The following TIMP2 variants were observed in gnomAD, a reference collection of about 807,000 sequenced individuals.
TIMP2 encodes the protein metalloproteinase inhibitor 2.
Under a neutral mutation model 24.3 loss-of-function variants are expected in TIMP2, and 5 were observed. That is an observed-to-expected ratio of 0.21 (90% CI 0.11 to 0.43). The LOEUF (loss-of-function observed/expected upper bound fraction) is 0.43. Among genes scored for constraint, TIMP2 ranks in the 20% least tolerant of loss-of-function variants. TIMP2 has a pLI of 1.00. For synonymous variants in TIMP2, 130 were observed against 123.2 expected, an observed-to-expected ratio of 1.06 and a Z score of -0.37; for missense variants, 221 against 297.5, an observed-to-expected ratio of 0.74 and a Z score of 1.89.
chr17:78,913,833 A>G (rs1263122858), intron 1 of TIMP2, among the ~76,000 whole-genome samples: 1 of 148,792 alleles, frequency 6.7e-6, no homozygotes, highest in East Asian at 2.0e-4. Context: ...CGGAGGTTGC[A>G]GCGAACCAAG....
At chr17:78,874,040 GCGAGA>G (rs2069708254) in intron 1 of TIMP2, 121 bp from the exon 2 acceptor site, 1 of 796,854 alleles carries the variant, frequency 1.3e-6, no homozygotes, top group Non-Finnish European at 2.0e-6. Flanking sequence ...GCAGCAAGGT[GCGAGA>G]CGGGCAAGGG....
In TIMP2 at chr17:78,891,342, C is replaced by T; in HGVS notation, c.131-17423G>A. 1.3e-6 allele frequency: 2 copies of T among 1,550,430 alleles called. No individual in the cohort carries two copies. The highest frequency in any genetic ancestry group is 1.7e-6 in the Non-Finnish European group (2 of 1,146,922). ...GCCATTTTCTTCCCTCTTGGGGTCC[C>T]AGCGCCACACTCTTGCATCTCTGAG... On this transcript the variant is annotated intron_variant, in intron 1 of 4. Transcript: ENST00000262768. This position sits in a 1 kb window ranked among gnomAD's most constrained non-coding sequence, Gnocchi z 4.5.
chr17:78,870,795 C>T, intron 3 of TIMP2, 103 bp downstream of exon 3: 1 of 933,874 alleles, frequency 1.1e-6, no homozygotes, highest in Non-Finnish European at 1.6e-6. Flanking sequence ...CTCAGCTACT[C>T]CGCCTCCCCA....
At chr17:78,871,139 T>C (rs2069679824) in intron 2 of TIMP2, 133 bp from the exon 3 acceptor site, 2 of 642,084 alleles carry the variant, frequency 3.1e-6, no homozygotes, top group African/African-American at 3.7e-5. Flanking sequence ...GACCAGGAAG[T>C]GCAAATACAT....
chr17:78,895,108 C>T lies in TIMP2; in HGVS notation c.131-21189G>A, dbSNP rs61157815. Among the ~76,000 whole-genome samples the T allele has an allele frequency of 2.1e-3, 319 of 152,186 alleles. 6 individuals are homozygous for T. In the East Asian group the frequency reaches 0.052, roughly 25 times the overall value. On this transcript the variant is annotated intron_variant, in intron 1 of 4. Transcript: ENST00000262768. Reference sequence around the variant, plus strand: ...GCAGCCTAACCAACATGGTGAAACCCCGTCTCTACTAAAAATACAAAAATT... The same window carrying T: ...GCAGCCTAACCAACATGGTGAAACCTCGTCTCTACTAAAAATACAAAAATT...
chr17:78,857,788 G>A (rs2069536716), intron 3 of TIMP2, 142 bp from the exon 4 acceptor site: 2 of 1,135,622 alleles, frequency 1.8e-6, no homozygotes, highest in East Asian at 5.2e-5. Flanking sequence ...CACAGTGGGT[G>A]GCCAGGCACG....
rs754810804 is a variant in TIMP2, at chr17:78,873,882, G to A, written c.168C>T (p.Asp56=). 1.1e-5 allele frequency: 18 copies of A among 1,613,364 alleles called. No individual in the cohort carries two copies. Among genetic ancestry groups the A allele is most frequent in the Admixed American group, 3.3e-5 (2 of 59,960 alleles). The change falls in exon 2 of 5, where the codon GAC becomes GAT. Residue 56 remains aspartate, a synonymous_variant. Coordinates refer to ENST00000262768, the MANE Select transcript of TIMP2 (RefSeq NM_003255.5). ...RAKAVSEKEV[D]SGNDIYGNPI... is the part of the protein sequence containing the mutation. ...GGTTGCCATAAATGTCGTTTCCAGAGTCCACTTCCTTCTCACTGACCGCTT... is the reference window on the plus strand; with the variant it reads ...GGTTGCCATAAATGTCGTTTCCAGAATCCACTTCCTTCTCACTGACCGCTT...
At chr17:78,892,285 G>A (rs2069912438) in intron 1 of TIMP2, 2 of 1,550,744 alleles carry the variant, frequency 1.3e-6, no homozygotes, top group African/African-American at 2.7e-5. Flanking sequence ...TCCAAAGCAG[G>A]TCTTCGTTAT....
At chr17:78,914,901 C>CTTT (rs71161637) in intron 1 of TIMP2, among the ~76,000 whole-genome samples, 19 of 138,574 alleles carry the variant, frequency 1.4e-4, no homozygotes, top group African/African-American at 4.0e-4. Context: ...TGGGCTTTTT[C>CTTT]TTTTTTTTTT....
chr17:78,903,591 T>C (rs924083740), intron 1 of TIMP2, among the ~76,000 whole-genome samples: 1 of 152,142 alleles, frequency 6.6e-6, no homozygotes, highest in Non-Finnish European at 1.5e-5. Context: ...TTCACGCTTC[T>C]AAACAGCTCC....
At chr17:78,893,081 G>A (rs910548454) in intron 1 of TIMP2, among the ~76,000 whole-genome samples, 2 of 151,718 alleles carry the variant, frequency 1.3e-5, no homozygotes, top group Non-Finnish European at 2.9e-5. Context: ...GTGTGTGCAC[G>A]CGTGTGCAGG....
intron 1 of TIMP2, among the ~76,000 whole-genome samples, chr17:78,911,323 G>C (rs971684975): frequency 6.6e-6 from 1 of 152,214 alleles, no homozygotes; most frequent in South Asian, 2.1e-4. Flanking sequence ...TCCTTGGACA[G>C]AGACTGCAGG....
Position 78,896,836 on chromosome 17 carries a change from C to A in TIMP2, c.131-22917G>T. ...CTCTTGCTCTCTACAGCCCCGTGGC[C>A]CCAGCGCAGGAGCCAGCCCATGGCA... is the stretch of plus-strand genomic sequence containing the variant. On this transcript the variant is annotated intron_variant, in intron 1 of 4. Transcript: ENST00000262768. This position sits in a 1 kb window ranked among gnomAD's most constrained non-coding sequence, Gnocchi z 4.4. 1 of 766,604 alleles carries A rather than the reference C, an allele frequency of 1.3e-6. No individual in the cohort carries two copies. The highest frequency in any genetic ancestry group is 5.9e-5 in the South Asian group (1 of 17,026). 47.5% of individuals were successfully genotyped at this position (766,604 alleles called of 1,614,324 possible).
At chr17:78,894,555 T>C (rs915025586) in intron 1 of TIMP2, among the ~76,000 whole-genome samples, 2 of 152,294 alleles carry the variant, frequency 1.3e-5, no homozygotes, top group South Asian at 4.1e-4. Context: ...GGGGAAAGAA[T>C]AGTTTTTTTG....
In TIMP2 at chr17:78,855,780, T is replaced by G; in HGVS notation, c.550A>C (p.Asn184His). Residue 184 changes from asparagine to histidine, a missense_variant, in exon 5 of 5, where the codon AAC becomes CAC. By Grantham distance (68) the Asn-to-His change is moderately conservative (BLOSUM62 1). Coordinates refer to ENST00000262768, the MANE Select transcript of TIMP2 (RefSeq NM_003255.5). This position sits in a 1 kb window ranked among gnomAD's most constrained non-coding sequence, Gnocchi z 6.0. ...WMDWVTEKNI[N>H]GHQAKFFACI... Reference sequence around the variant, plus strand: ...GCGAAGAACTTGGCCTGGTGCCCGTTGATGTTCTTCTCTGTGACCCAGTCC... The same window carrying G: ...GCGAAGAACTTGGCCTGGTGCCCGTGGATGTTCTTCTCTGTGACCCAGTCC... 1.2e-6 allele frequency: 2 copies of G among 1,614,164 alleles called. No individual in the cohort carries two copies. Among genetic ancestry groups the G allele is most frequent in the Non-Finnish European group, 1.7e-6 (2 of 1,180,018 alleles).
chr17:78,874,077 G>T, intron 1 of TIMP2, 158 bp from the exon 2 acceptor site: 1 of 570,140 alleles, frequency 1.8e-6, no homozygotes, highest in Non-Finnish European at 3.1e-6. Context: ...CCAGCCCCCG[G>T]CATGGCGTCT....
At chr17:78,879,182 A>G (rs4796813) in intron 1 of TIMP2, among the ~76,000 whole-genome samples, 142,608 of 152,304 alleles carry the variant, frequency 0.94, 66,900 homozygotes, top group African/African-American at 0.98. Flanking sequence ...CAATCCAGGC[A>G]AGATGACAGA....
intron 1 of TIMP2, among the ~76,000 whole-genome samples, chr17:78,906,576 C>A (rs552447064): frequency 6.6e-6 from 1 of 151,606 alleles, no homozygotes. Context: ...TTTTCCTTTT[C>A]TTTTTTATTT....
chr17:78,873,307 T>C (rs3786144), intron 2 of TIMP2, among the ~76,000 whole-genome samples: 1 of 105,114 alleles, frequency 9.5e-6, no homozygotes, highest in African/African-American at 3.3e-5. Context: ...CCACATATTT[T>C]TTTTTTTTTT....
Sources: allele counts gnomAD v4.1 joint callset (sites outside exome capture counted in the v4.1 genomes callset), GRCh38; gene constraint gnomAD v4.1.1; non-coding constraint Gnocchi (gnomAD v3.1); transcripts MANE v1.5; gene names NCBI Gene and HGNC (gene_info 2026-07-23, HGNC 2026-07-21).